KLHL29: variants seen among roughly 807,000 people sequenced by gnomAD.
KLHL29 encodes the protein kelch-like protein 29.
KLHL29 carries 21 observed loss-of-function variants against 80.4 expected under a neutral mutation model. The ratio of observed to expected loss-of-function variants is 0.26; its 90% CI spans 0.19 to 0.38. The LOEUF (loss-of-function observed/expected upper bound fraction) is 0.38, where lower values mean the gene tolerates loss of function less well. Ranked by LOEUF, KLHL29 falls within the 10% of genes least tolerant of loss-of-function variation. KLHL29 has a pLI of 1.00. For synonymous variants in KLHL29, 511 were observed against 526.8 expected (o/e 0.97, Z 0.41); for missense variants, 867 against 1,223.9 (o/e 0.71, Z 4.35).
At chr2:23,489,687 A>G (rs1437515945) in intron 2 of KLHL29, among the ~76,000 whole-genome samples, 1 of 151,498 alleles carries the variant, frequency 6.6e-6, no homozygotes, top group African/African-American at 2.4e-5. Flanking sequence ...TCCTGCAGGG[A>G]CGGCACTAGA....
At chr2:23,630,785 G>A (rs1014847261) in intron 3 of KLHL29, among the ~76,000 whole-genome samples, 1 of 152,140 alleles carries the variant, frequency 6.6e-6, no homozygotes, top group Admixed American at 6.5e-5. Flanking sequence ...ACCATGCCTG[G>A]CTGCCCTGAG....
chr2:23,434,951 G>T (rs1663296534), intron 1 of KLHL29, among the ~76,000 whole-genome samples: 1 of 152,204 alleles, frequency 6.6e-6, no homozygotes, highest in Admixed American at 6.5e-5. Flanking sequence ...GTGGGAAGAA[G>T]GGTTGGGCTG....
At chr2:23,664,975 G>A (rs547861292) in intron 5 of KLHL29, among the ~76,000 whole-genome samples, 3 of 152,236 alleles carry the variant, frequency 2.0e-5, no homozygotes, top group Non-Finnish European at 2.9e-5. Context: ...GGTAATTAAA[G>A]AATAAAATTG....
intron 3 of KLHL29, among the ~76,000 whole-genome samples, chr2:23,569,299 T>C (rs1667661373): frequency 6.6e-6 from 1 of 152,234 alleles, no homozygotes; most frequent in African/African-American, 2.4e-5. Context: ...TGTTACATGA[T>C]GCAGTATTCG....
chr2:23,559,390 G>A (rs962204845), intron 2 of KLHL29, among the ~76,000 whole-genome samples: 1 of 152,164 alleles, frequency 6.6e-6, no homozygotes. Context: ...CAAAACTCCT[G>A]TGGGCAGTTG....
intron 2 of KLHL29, among the ~76,000 whole-genome samples, chr2:23,525,658 G>A (rs558928876): frequency 8.2e-4 from 125 of 151,760 alleles, no homozygotes; most frequent in Non-Finnish European, 1.3e-3. Flanking sequence ...CCCTGCCTGG[G>A]AAGAGTAAGG....
At chr2:23,579,557 T>C (rs1446491713) in intron 3 of KLHL29, among the ~76,000 whole-genome samples, 1 of 152,102 alleles carries the variant, frequency 6.6e-6, no homozygotes, top group Non-Finnish European at 1.5e-5. Context: ...AGGTCCACCT[T>C]AGTAGATTTC....
intron 3 of KLHL29, among the ~76,000 whole-genome samples, chr2:23,573,564 G>T (rs191023673): frequency 6.6e-6 from 1 of 152,172 alleles, no homozygotes; most frequent in Non-Finnish European, 1.5e-5. Context: ...CCTAGTGCTG[G>T]CGACACGACC....
At chr2:23,591,562 C>T (rs1668261804) in intron 3 of KLHL29, among the ~76,000 whole-genome samples, 1 of 151,888 alleles carries the variant, frequency 6.6e-6, no homozygotes, top group South Asian at 2.1e-4. Flanking sequence ...CCCCCACAGC[C>T]AGTGACTACT....
At chr2:23,552,906 C>A (rs1221453994) in intron 2 of KLHL29, among the ~76,000 whole-genome samples, 3 of 151,986 alleles carry the variant, frequency 2.0e-5, no homozygotes, top group South Asian at 4.2e-4. Context: ...ATTACAGGAG[C>A]CCGTCATCAC....
intron 3 of KLHL29, among the ~76,000 whole-genome samples, chr2:23,608,102 G>A (rs1407374000): frequency 6.6e-6 from 1 of 152,198 alleles, no homozygotes; most frequent in Non-Finnish European, 1.5e-5. Context: ...GACCCAAAAT[G>A]TCACCTTTTG....
chr2:23,522,190 C>T (rs1239612869), intron 2 of KLHL29, among the ~76,000 whole-genome samples: 1 of 151,956 alleles, frequency 6.6e-6, no homozygotes, highest in African/African-American at 2.4e-5. Context: ...GCTCTGTTGC[C>T]CAGGCTGGAG....
intron 2 of KLHL29, among the ~76,000 whole-genome samples, chr2:23,559,945 G>C (rs2103495400): frequency 6.6e-6 from 1 of 152,214 alleles, no homozygotes; most frequent in African/African-American, 2.4e-5. Context: ...GCTGGGAGAG[G>C]GCTGGCATCA....
At chr2:23,411,270 G>A (rs1352887465) in intron 1 of KLHL29, among the ~76,000 whole-genome samples, 2 of 152,148 alleles carry the variant, frequency 1.3e-5, no homozygotes, top group South Asian at 2.1e-4. Flanking sequence ...TTGAGGACAG[G>A]GTAGTGAGAA....
At chr2:23,694,311 C>T (rs747643175) in intron 8 of KLHL29, among the ~76,000 whole-genome samples, 5 of 152,216 alleles carry the variant, frequency 3.3e-5, no homozygotes, top group African/African-American at 9.7e-5. Flanking sequence ...TCGCTACACG[C>T]GCTCATTCCT....
At chr2:23,474,338 A>G (rs1186084294) in intron 1 of KLHL29, among the ~76,000 whole-genome samples, 1 of 152,188 alleles carries the variant, frequency 6.6e-6, no homozygotes, top group African/African-American at 2.4e-5. Flanking sequence ...CTCTCTGTTC[A>G]CCAGCACTTA....
At chr2:23,462,283 T>C (rs1473389420) in intron 1 of KLHL29, among the ~76,000 whole-genome samples, 1 of 152,150 alleles carries the variant, frequency 6.6e-6, no homozygotes, top group Non-Finnish European at 1.5e-5. Context: ...TGCTACCTGG[T>C]CTGTGATCTG....
chr2:23,437,394 C>G (rs1663373614), intron 1 of KLHL29, among the ~76,000 whole-genome samples: 1 of 152,146 alleles, frequency 6.6e-6, no homozygotes, highest in Non-Finnish European at 1.5e-5. Context: ...AAGGTGGCAT[C>G]CCTCTTGCTG....
intron 3 of KLHL29, among the ~76,000 whole-genome samples, chr2:23,564,227 TG>T (rs1159641814): frequency 6.6e-6 from 1 of 152,204 alleles, no homozygotes; most frequent in African/African-American, 2.4e-5. Context: ...CCCACAGGGC[TG>T]TGCTGCCTGC....
Sources: gnomAD v4.1 joint callset for allele counts (sites outside exome capture counted in the v4.1 genomes callset) on GRCh38, gnomAD v4.1.1 for gene constraint, MANE v1.5 for transcripts, NCBI Gene and HGNC (gene_info 2026-07-23, HGNC 2026-07-21) for gene names.